The following EDN3 variants were observed in gnomAD, a reference collection of about 807,000 sequenced individuals.
EDN3 encodes the protein endothelin-3.
In EDN3, 9 loss-of-function variants were observed where a neutral mutation model predicts 21.4. That is an observed-to-expected ratio of 0.42 (90% CI 0.25 to 0.73). EDN3 has a LOEUF of 0.73. Ranked by LOEUF, EDN3 falls within the 30% of genes least tolerant of loss-of-function variation. The pLI, the probability that EDN3 is intolerant of heterozygous loss-of-function variation, is 0.26. For synonymous variants in EDN3, 133 were observed against 126.2 expected (o/e 1.05, Z -0.36); for missense variants, 327 against 309.4 (o/e 1.06, Z -0.43).
chr20:59,320,152 T>G (rs1052219700), intron 2 of EDN3, among the ~76,000 whole-genome samples: 2 of 152,234 alleles, frequency 1.3e-5, no homozygotes, highest in Admixed American at 6.5e-5. Context: ...GTTTCAAGCC[T>G]TCTTCATCAC....
Position 59,312,856 on chromosome 20 carries a change from G to A in EDN3, c.366-8161G>A, listed in dbSNP as rs1279332196. On this transcript the variant is annotated intron_variant, in intron 2 of 4. Coordinates refer to ENST00000337938, the MANE Select transcript of EDN3 (RefSeq NM_207034.3). ...CCAGCCCTTTTGTTTCTCAGGGCCA[G>A]AAGGAAGGTGCCCACCTTTCCTGTG... is the stretch of plus-strand genomic sequence containing the variant. 2.0e-5 allele frequency among the ~76,000 whole-genome samples: 3 copies of A among 152,310 alleles called. No homozygotes were observed. The East Asian group carries it at 5.8e-4, about 29-fold the overall frequency.
intron 2 of EDN3, among the ~76,000 whole-genome samples, chr20:59,304,313 C>T (rs1427603278): frequency 6.6e-6 from 1 of 152,206 alleles, no homozygotes; most frequent in Non-Finnish European, 1.5e-5. Flanking sequence ...ACAGTCTTTT[C>T]TAGTGGTTCT....
intron 2 of EDN3, among the ~76,000 whole-genome samples, chr20:59,303,784 T>C (rs1989208852): frequency 6.6e-6 from 1 of 152,168 alleles, no homozygotes; most frequent in Non-Finnish European, 1.5e-5. Context: ...CTCTCTGACT[T>C]TTTCCAGGAC....
At chr20:59,306,869 G>T (rs573694854) in intron 2 of EDN3, among the ~76,000 whole-genome samples, 7 of 152,312 alleles carry the variant, frequency 4.6e-5, no homozygotes, top group Admixed American at 2.0e-4. Context: ...CCTGGGCCAG[G>T]CGCGGTGGCT....
chr20:59,315,888 G>A (rs1990142470), intron 2 of EDN3, among the ~76,000 whole-genome samples: 1 of 152,120 alleles, frequency 6.6e-6, no homozygotes, highest in Non-Finnish European at 1.5e-5. Context: ...ATGTTTATGT[G>A]AAATTTCCGG....
In EDN3 at chr20:59,325,658, C is replaced by T. The variant is rs1462618868; in HGVS notation, c.*1199C>T. On this transcript the variant is annotated 3_prime_UTR_variant, in exon 5 of 5. Coordinates refer to ENST00000337938, the MANE Select transcript of EDN3 (RefSeq NM_207034.3). ...TACAGGTATAAAAGTGATGACCTAT[C>T]ATGAGGAAATGAAAGTGGCTGATTT... 6.6e-6 allele frequency: 1 copy of T among 152,180 alleles called. No individual in the cohort carries two copies. Among genetic ancestry groups the T allele is most frequent in the African/African-American group, 2.4e-5 (1 of 41,436 alleles). The allele number at this position is 152,180 out of a possible 1,614,324, so 9.4% of individuals were successfully genotyped here. A position where few individuals can be genotyped will look rare whatever the true frequency, so the allele number is the denominator to read the frequency against.
At chr20:59,314,912 A>C (rs1405393164) in intron 2 of EDN3, among the ~76,000 whole-genome samples, 2 of 152,040 alleles carry the variant, frequency 1.3e-5, no homozygotes, top group Non-Finnish European at 2.9e-5. Context: ...GCTGAAGCAA[A>C]GGGTCACTTT....
chr20:59,304,690 G>A (rs1989279163), intron 2 of EDN3, among the ~76,000 whole-genome samples: 1 of 152,134 alleles, frequency 6.6e-6, no homozygotes, highest in South Asian at 2.1e-4. Flanking sequence ...ACCGAGACCC[G>A]CTTTGCATCT....
rs1361542994 is a variant in EDN3 at position 59,321,142 on chromosome 20, G to A, written c.491G>A (p.Arg164Lys). The A allele has an allele frequency of 6.2e-7, 1 of 1,614,124 alleles. No individual in the cohort carries two copies. The highest frequency in any genetic ancestry group is 1.3e-5 in the African/African-American group (1 of 74,946). Residue 164 changes from arginine (R) to lysine (K), a missense_variant, in exon 3 of 5, where the codon AGA (arginine) becomes AAA (lysine). Coordinates refer to ENST00000337938, the MANE Select transcript of EDN3 (RefSeq NM_207034.3). ...CACTTGCGCTGCGCTTGTGTGGGGA[G>A]ATATGACAAGGCCTGCCTGCACTTT... ...RPHLRCACVG[R>K]YDKACLHFCT... is the part of the protein sequence containing the mutation.
chr20:59,323,266 C>T (rs755193566), intron 4 of EDN3, among the ~76,000 whole-genome samples: 11 of 152,064 alleles, frequency 7.2e-5, no homozygotes, highest in African/African-American at 1.9e-4. Context: ...AGACAGAGCC[C>T]GGGAGAGCAT....
At chr20:59,304,459 T>C (rs1393987558) in intron 2 of EDN3, among the ~76,000 whole-genome samples, 1 of 152,230 alleles carries the variant, frequency 6.6e-6, no homozygotes, top group Non-Finnish European at 1.5e-5. Flanking sequence ...GCGGCAGCTG[T>C]TCTGGGCACG....
intron 2 of EDN3, among the ~76,000 whole-genome samples, chr20:59,319,726 CAA>C (rs528500611): frequency 1.9e-4 from 10 of 52,370 alleles, no homozygotes; most frequent in Middle Eastern, 9.3e-3. Flanking sequence ...GACTCTGTCT[CAA>C]AAAAAAAAAA....
chr20:59,308,126 G>A (rs1321495103), intron 2 of EDN3, among the ~76,000 whole-genome samples: 2 of 152,100 alleles, frequency 1.3e-5, no homozygotes, highest in African/African-American at 4.8e-5. Flanking sequence ...GTTTCTCTGT[G>A]GGTAAGAGGG....
intron 1 of EDN3, among the ~76,000 whole-genome samples, chr20:59,301,086 C>G (rs6100407): frequency 6.6e-6 from 1 of 152,246 alleles, no homozygotes; most frequent in African/African-American, 2.4e-5. Flanking sequence ...GGCTGGAGAC[C>G]TGCTGCCTGG....
In EDN3 at chr20:59,305,462, GAC is replaced by G. The variant is rs1989343603; in HGVS notation, c.365+3742_365+3743del. Among the ~76,000 whole-genome samples, 1 of 152,222 alleles carries G rather than the reference GAC, an allele frequency of 6.6e-6. No individual in the cohort carries two copies. Among genetic ancestry groups the G allele is most frequent in the Non-Finnish European group, 1.5e-5 (1 of 68,036 alleles). On this transcript the variant is annotated intron_variant, in intron 2 of 4. Coordinates refer to ENST00000337938, the MANE Select transcript of EDN3 (RefSeq NM_207034.3). The surrounding 1 kb of genome is among the most constrained non-coding windows in gnomAD (Gnocchi z 4.2). ...TGTAGGAGTCAGGGTTCTCTAGAGA[GAC>G]AGAACCAACAGGGTGTGTGCATGTC...
At chr20:59,309,632 A>G (rs1989660953) in intron 2 of EDN3, among the ~76,000 whole-genome samples, 1 of 152,144 alleles carries the variant, frequency 6.6e-6, no homozygotes, top group Non-Finnish European at 1.5e-5. Flanking sequence ...AACCATTTCT[A>G]TCTCTTCCTT....
At chr20:59,320,703 G>A (rs564563311) in intron 2 of EDN3, among the ~76,000 whole-genome samples, 2 of 152,368 alleles carry the variant, frequency 1.3e-5, no homozygotes, top group Admixed American at 1.3e-4. Flanking sequence ...GTGAGGCTAA[G>A]GGGCTCACAA....
intron 2 of EDN3, among the ~76,000 whole-genome samples, chr20:59,302,549 A>G (rs953695422): frequency 7.2e-5 from 11 of 152,096 alleles, no homozygotes; most frequent in African/African-American, 2.7e-4. Context: ...CTGCAGGCAC[A>G]TCATCTTGCA....
At chr20:59,303,066 G>A (rs1037159009) in intron 2 of EDN3, among the ~76,000 whole-genome samples, 1 of 152,208 alleles carries the variant, frequency 6.6e-6, no homozygotes, top group African/African-American at 2.4e-5. Context: ...AGCAGGACAC[G>A]TGCACAAAGT....
Sources: gnomAD v4.1 joint callset for allele counts (sites outside exome capture counted in the v4.1 genomes callset) on GRCh38, gnomAD v4.1.1 for gene constraint, Gnocchi (gnomAD v3.1) non-coding constraint, MANE v1.5 for transcripts, NCBI Gene and HGNC (gene_info 2026-07-23, HGNC 2026-07-21) for gene names.